The following TUSC3 variants were observed in gnomAD, a reference collection of about 807,000 sequenced individuals.
TUSC3 encodes dolichyl-diphosphooligosaccharide--protein glycosyltransferase subunit TUSC3.
A neutral mutation model predicts 44.8 loss-of-function variants in TUSC3; 45 were observed. The observed-to-expected ratio is 1.00, with a 90% CI of 0.79 to 1.29. The LOEUF is 1.29. Ranked by LOEUF, TUSC3 falls within the 50% of genes most tolerant of loss-of-function variation. TUSC3 has a pLI of 0.00. For missense variants in TUSC3, 519 were observed against 437.9 expected (o/e 1.19, Z -1.65); for synonymous variants, 212 against 152.9 (o/e 1.39, Z -2.85).
intron 3 of TUSC3, among the ~76,000 whole-genome samples, chr8:15,651,492 A>C (rs1405875158): frequency 6.6e-6 from 1 of 152,204 alleles, no homozygotes; most frequent in Non-Finnish European, 1.5e-5. Flanking sequence ...GAAGTAATTA[A>C]GGTTAAATGA....
intron 2 of TUSC3, among the ~76,000 whole-genome samples, chr8:15,492,423 A>C (rs1242567298): frequency 6.6e-6 from 1 of 152,192 alleles, no homozygotes; most frequent in Non-Finnish European, 1.5e-5. Flanking sequence ...ACAGTTCTAG[A>C]AGGCAAGATT....
rs1249512268 is a variant in TUSC3, at chr8:15,595,967, T to C, written c.139-27113T>C. On this transcript the variant is annotated intron_variant, in intron 1 of 10. Transcript: ENST00000503731. ...AGTAATGGTCCCAAAGGTATATCTT[T>C]AACATATTTCTTCAGGACTTCAGAA... Among the ~76,000 whole-genome samples, 7 of 152,210 alleles carry C rather than the reference T, an allele frequency of 4.6e-5. No individual in the cohort carries two copies. The East Asian group carries it at 1.3e-3, about 29-fold the overall frequency.
intron 2 of TUSC3, among the ~76,000 whole-genome samples, chr8:15,504,716 G>A (rs1249397655): frequency 4.2e-5 from 6 of 143,904 alleles, no homozygotes; most frequent in South Asian, 4.5e-4. Context: ...GCAGTGGTGC[G>A]ATCTTGGCTC....
At chr8:15,595,220 C>A (rs1490995061) in intron 1 of TUSC3, among the ~76,000 whole-genome samples, 1 of 152,160 alleles carries the variant, frequency 6.6e-6, no homozygotes, top group Non-Finnish European at 1.5e-5. Flanking sequence ...AGATACTTTT[C>A]CCAGCCTCTG....
At chr8:15,841,435 T>A in the TUSC3 span, among the ~76,000 whole-genome samples, 9 of 152,304 alleles carry the variant, frequency 5.9e-5, no homozygotes, top group South Asian at 1.4e-3. Flanking sequence ...TCAGCCAAAC[T>A]GAACTACATT....
chr8:15,703,038 T>G (rs1049603154), intron 6 of TUSC3, among the ~76,000 whole-genome samples: 1 of 152,174 alleles, frequency 6.6e-6, no homozygotes, highest in Non-Finnish European at 1.5e-5. Context: ...ATCTTCTTAT[T>G]GTTTGTTTAA....
chr8:15,599,845 G>A (rs1804211753), intron 1 of TUSC3, among the ~76,000 whole-genome samples: 1 of 151,444 alleles, frequency 6.6e-6, no homozygotes, highest in African/African-American at 2.4e-5. Flanking sequence ...GTTGGAGGTT[G>A]GGAAGTATCC....
At chr8:15,839,377 C>G in the TUSC3 span, among the ~76,000 whole-genome samples, 1 of 152,084 alleles carries the variant, frequency 6.6e-6, no homozygotes, top group South Asian at 2.1e-4. Context: ...TTGCCCTGGC[C>G]AGAACTCCAA....
At chr8:15,804,764 C>T in the TUSC3 span, among the ~76,000 whole-genome samples, 1 of 152,150 alleles carries the variant, frequency 6.6e-6, no homozygotes, top group African/African-American at 2.4e-5. Flanking sequence ...GTGATGCCTC[C>T]TCCAACTTTG....
At chr8:15,799,919 G>C in the TUSC3 span, among the ~76,000 whole-genome samples, 6,322 of 152,220 alleles carry the variant, frequency 0.042, 174 homozygotes, top group East Asian at 0.13. Context: ...AGTTTCCTGA[G>C]CTCCAAGTCC....
the TUSC3 span, among the ~76,000 whole-genome samples, chr8:15,771,904 C>T: frequency 2.6e-5 from 4 of 151,912 alleles, no homozygotes; most frequent in African/African-American, 4.8e-5. Flanking sequence ...CTGGCTAACA[C>T]GGTGAAACCC....
the TUSC3 span, among the ~76,000 whole-genome samples, chr8:15,818,303 A>G: frequency 6.6e-5 from 10 of 152,330 alleles, no homozygotes; most frequent in East Asian, 1.9e-4. Flanking sequence ...TTCACATAAC[A>G]TTGTGGGACT....
intron 1 of TUSC3, among the ~76,000 whole-genome samples, chr8:15,476,108 G>T (rs1031011781): frequency 1.3e-5 from 2 of 152,120 alleles, no homozygotes; most frequent in Non-Finnish European, 2.9e-5. Flanking sequence ...ATAAAGTGCA[G>T]CCTGTACCCA....
intron 1 of TUSC3, among the ~76,000 whole-genome samples, chr8:15,462,663 G>T (rs538087828): frequency 1.3e-5 from 2 of 152,046 alleles, no homozygotes; most frequent in African/African-American, 2.4e-5. Context: ...AAGTTGGTTC[G>T]CAGGCATTTA....
chr8:15,503,676 C>T (rs954763950), intron 2 of TUSC3, among the ~76,000 whole-genome samples: 2 of 152,034 alleles, frequency 1.3e-5, no homozygotes, highest in Non-Finnish European at 2.9e-5. Flanking sequence ...TCCACTCCAG[C>T]CTGGGTAACA....
intron 1 of TUSC3, among the ~76,000 whole-genome samples, chr8:15,551,066 C>T (rs980413519): frequency 6.6e-6 from 1 of 151,720 alleles, no homozygotes; most frequent in Non-Finnish European, 1.5e-5. Context: ...AGTCACTTAA[C>T]CGTTTGGAGC....
chr8:15,448,355 G>T (rs1350052259), intron 1 of TUSC3, among the ~76,000 whole-genome samples: 1 of 151,782 alleles, frequency 6.6e-6, no homozygotes, highest in Non-Finnish European at 1.5e-5. Flanking sequence ...CCAGCCTCAG[G>T]CAATCCACCC....
At chr8:15,606,085 C>T (rs1804512533) in intron 1 of TUSC3, among the ~76,000 whole-genome samples, 1 of 151,944 alleles carries the variant, frequency 6.6e-6, no homozygotes, top group Non-Finnish European at 1.5e-5. Flanking sequence ...AAACAAAATG[C>T]CACTAGGGAT....
At chr8:15,473,581 G>T (rs561104384) in intron 1 of TUSC3, among the ~76,000 whole-genome samples, 2 of 152,270 alleles carry the variant, frequency 1.3e-5, no homozygotes, top group East Asian at 3.9e-4. Flanking sequence ...TGAAGAGAAA[G>T]AGTACAAAGA....
Sources: allele counts gnomAD v4.1 joint callset (sites outside exome capture counted in the v4.1 genomes callset), GRCh38; gene constraint gnomAD v4.1.1; transcripts MANE v1.5; gene names NCBI Gene and HGNC (gene_info 2026-07-23, HGNC 2026-07-21).